The following VWC2 variants were observed in gnomAD, a reference collection of about 807,000 sequenced individuals.
VWC2 encodes the protein brorin.
VWC2 carries 14 observed loss-of-function variants against 29.8 expected under a neutral mutation model. The observed-to-expected ratio is 0.47, with a 90% CI of 0.31 to 0.74. The LOEUF is 0.74. Ranked by LOEUF, VWC2 falls within the 30% of genes least tolerant of loss-of-function variation. The probability of loss-of-function intolerance (pLI) is 0.05; values close to 1 mark genes in which losing one functional copy is unlikely to be tolerated. For synonymous variants in VWC2, 213 were observed against 199.0 expected (o/e 1.07, Z -0.59); for missense variants, 457 against 459.8 (o/e 0.99, Z 0.05).
chr7:49,882,144 G>C (rs1004835137), intron 3 of VWC2, among the ~76,000 whole-genome samples: 2 of 151,896 alleles, frequency 1.3e-5, no homozygotes, highest in Middle Eastern at 3.2e-3. Flanking sequence ...GAAAAAAACT[G>C]GTGATATAAT....
At chr7:49,819,976 C>T (rs745531179) in intron 3 of VWC2, among the ~76,000 whole-genome samples, 3 of 152,144 alleles carry the variant, frequency 2.0e-5, no homozygotes, top group Non-Finnish European at 4.4e-5. Context: ...ACAATCCTCC[C>T]TATTTTGGGA....
intron 3 of VWC2, among the ~76,000 whole-genome samples, chr7:49,815,696 G>A (rs1369350821): frequency 6.6e-6 from 1 of 152,148 alleles, no homozygotes; most frequent in Non-Finnish European, 1.5e-5. Context: ...TAATACAATG[G>A]AGTATTATAC....
At chr7:49,911,415 GA>G (rs1793420274) in intron 3 of VWC2, among the ~76,000 whole-genome samples, 1 of 144,092 alleles carries the variant, frequency 6.9e-6, no homozygotes, top group South Asian at 2.2e-4. Flanking sequence ...CCCGGAGGCA[GA>G]GGTTGCAGTG....
At chr7:49,877,898 G>A (rs1000981045) in intron 3 of VWC2, among the ~76,000 whole-genome samples, 8 of 151,960 alleles carry the variant, frequency 5.3e-5, no homozygotes, top group African/African-American at 1.9e-4. Flanking sequence ...CTTGCATCTG[G>A]GCAAAATGTT....
At chr7:49,828,965 C>T (rs1789465016) in intron 3 of VWC2, among the ~76,000 whole-genome samples, 1 of 152,164 alleles carries the variant, frequency 6.6e-6, no homozygotes, top group Non-Finnish European at 1.5e-5. Flanking sequence ...TTGCTCTGCT[C>T]TACCAATTCC....
At chr7:49,838,896 G>C (rs1431563247) in intron 3 of VWC2, among the ~76,000 whole-genome samples, 1 of 152,134 alleles carries the variant, frequency 6.6e-6, no homozygotes, top group Non-Finnish European at 1.5e-5. Flanking sequence ...GATGTGCTAG[G>C]AACTGAATTG....
chr7:49,807,790 T>A (rs78359518), intron 3 of VWC2, among the ~76,000 whole-genome samples: 2,183 of 152,298 alleles, frequency 0.014, 19 homozygotes, highest in Middle Eastern at 0.034. Flanking sequence ...AAATTCAGAA[T>A]CTTTGTTCAC....
chr7:49,897,767 AATT>A (rs1329404614), intron 3 of VWC2, among the ~76,000 whole-genome samples: 2 of 152,178 alleles, frequency 1.3e-5, no homozygotes, highest in Admixed American at 1.3e-4. Flanking sequence ...GTAACTGATG[AATT>A]GCTGGAAGTT....
At position 49,849,862 on chromosome 7, in the gene VWC2, A is replaced by G. The variant is rs10246182; in HGVS notation, c.826+47022A>G. On this transcript the variant is annotated intron_variant, in intron 3 of 3. Transcript: ENST00000340652. ...CTGCGAGGCCAGTGAAGCCTCATAT[A>G]GTGGGACTGAGAGGACCCTGGAGAG... Among the ~76,000 whole-genome samples the G allele has an allele frequency of 4.5e-3, 691 of 152,344 alleles. 4 individuals carry two copies. The highest frequency in any genetic ancestry group is 0.016 in the African/African-American group (654 of 41,574).
chr7:49,881,264 T>C (rs1791651227), intron 3 of VWC2, among the ~76,000 whole-genome samples: 1 of 152,162 alleles, frequency 6.6e-6, no homozygotes, highest in Non-Finnish European at 1.5e-5. Flanking sequence ...TTTTGTTCCA[T>C]TTGTTTCATC....
chr7:49,877,130 C>T (rs969591836), intron 3 of VWC2, among the ~76,000 whole-genome samples: 2 of 151,940 alleles, frequency 1.3e-5, no homozygotes, highest in African/African-American at 4.8e-5. Context: ...TTGGAAGACA[C>T]GTATCTCTTT....
intron 1 of VWC2, 46 bp downstream of exon 1, chr7:49,774,159 G>A (rs1583615209): frequency 6.6e-6 from 1 of 152,594 alleles, no homozygotes; most frequent in South Asian, 2.1e-4. Flanking sequence ...GTGCATGCTG[G>A]GTGTCCCCGC....
intron 2 of VWC2, among the ~76,000 whole-genome samples, chr7:49,792,869 C>T (rs1319893484): frequency 6.6e-6 from 1 of 152,164 alleles, no homozygotes; most frequent in Non-Finnish European, 1.5e-5. Context: ...TGATGTCGGG[C>T]AGTCAGGGGC....
At chr7:49,864,447 T>C (rs1790797276) in intron 3 of VWC2, among the ~76,000 whole-genome samples, 2 of 152,186 alleles carry the variant, frequency 1.3e-5, no homozygotes, top group South Asian at 4.1e-4. Context: ...TGCATGGTGT[T>C]CTAGATTCCT....
intron 3 of VWC2, among the ~76,000 whole-genome samples, chr7:49,818,038 T>C (rs899108607): frequency 2.0e-5 from 3 of 152,170 alleles, no homozygotes; most frequent in African/African-American, 7.2e-5. Flanking sequence ...CTAAGGTAGG[T>C]ACAAAAGTAT....
At chr7:49,801,514 G>A (rs1030089380) in intron 2 of VWC2, among the ~76,000 whole-genome samples, 3 of 152,234 alleles carry the variant, frequency 2.0e-5, no homozygotes, top group African/African-American at 7.2e-5. Context: ...AGTGACCATG[G>A]AGGGTCCCGT....
chr7:49,884,377 G>A (rs919209921), intron 3 of VWC2, among the ~76,000 whole-genome samples: 3 of 152,208 alleles, frequency 2.0e-5, no homozygotes, highest in South Asian at 4.1e-4. Flanking sequence ...TACAGCCGAG[G>A]AGAACAGGAG....
rs74737399 is a variant in VWC2, at chr7:49,802,959, C to T, written c.826+119C>T. ...GTGAGTTTCATCCTATGTATCAATA[C>T]ACATGCGTACACACGTGTGTAATCT... On this transcript the variant is annotated intron_variant, in intron 3 of 3. Transcript: ENST00000340652. 2.4e-4 allele frequency: 308 copies of T among 1,269,560 alleles called. No homozygotes were observed. The African/African-American group carries it at 4.3e-3, about 18-fold the overall frequency. 78.6% of individuals were successfully genotyped at this position (1,269,560 alleles called of 1,614,324 possible).
intron 3 of VWC2, among the ~76,000 whole-genome samples, chr7:49,864,171 T>C (rs1300637661): frequency 6.6e-6 from 1 of 152,200 alleles, no homozygotes; most frequent in Non-Finnish European, 1.5e-5. Flanking sequence ...TTGGTGTCAC[T>C]GAAGTCTGTT....
Sources: allele counts gnomAD v4.1 joint callset (sites outside exome capture counted in the v4.1 genomes callset), GRCh38; gene constraint gnomAD v4.1.1; transcripts MANE v1.5; gene names NCBI Gene and HGNC (gene_info 2026-07-23, HGNC 2026-07-21).